Variants in MEI1 observed in about 807,000 individuals in gnomAD.
MEI1 encodes the protein meiotic double-stranded break formation protein 1.
Under a neutral mutation model 146.2 loss-of-function variants are expected in MEI1, and 103 were observed. The observed-to-expected ratio is 0.70, with a 90% confidence interval of 0.60 to 0.83. The LOEUF (loss-of-function observed/expected upper bound fraction) is 0.83, where lower values mean the gene tolerates loss of function less well. Ranked by LOEUF, MEI1 falls within the 40% of genes least tolerant of loss-of-function variation. The pLI is 0.00. For missense variants in MEI1, 1,529 were observed against 1,533.0 expected, an observed-to-expected ratio of 1.00 and a Z score of 0.04; for synonymous variants, 652 against 628.2, an observed-to-expected ratio of 1.04 and a Z score of -0.57.
chr22:41,781,780 C>T lies in MEI1; in HGVS notation c.3022C>T (p.Leu1008Phe), dbSNP rs759523790. The change falls in exon 24 of 31, where the codon CTC (leucine) becomes TTC (phenylalanine). Residue 1008 changes from leucine (L) to phenylalanine (F), a missense_variant. Physicochemically the swap from Leu to Phe is conservative, Grantham distance 22 (BLOSUM62 0). Transcript: ENST00000401548. ...AAAGGCAGATTCTCCCAGGACTGCA[C>T]TCCTCTGCTCTGCCTGGCTGCTCAC... ...LAKADSPRTA[L>F]LCSAWLLTAS... 1 of 1,613,994 alleles carries T rather than the reference C, an allele frequency of 6.2e-7. No individual in the cohort carries two copies.
At chr22:41,713,050 C>T (rs1458456955) in intron 3 of MEI1, among the ~76,000 whole-genome samples, 3 of 152,010 alleles carry the variant, frequency 2.0e-5, no homozygotes, top group Non-Finnish European at 4.4e-5. Context: ...ACCTCGTGAT[C>T]CGCCCATCTC....
intron 19 of MEI1, among the ~76,000 whole-genome samples, chr22:41,764,943 A>AT (rs897259619): frequency 7.3e-5 from 11 of 150,614 alleles, no homozygotes; most frequent in African/African-American, 9.7e-5. Context: ...TTCAGTCTTG[A>AT]TTTTTTTTTT....
intron 11 of MEI1, among the ~76,000 whole-genome samples, chr22:41,733,529 G>C (rs773593805): frequency 1.1e-4 from 16 of 152,002 alleles, no homozygotes; most frequent in Non-Finnish European, 2.2e-4. Flanking sequence ...GACCAAGGCA[G>C]GTGGATCACT....
intron 22 of MEI1, among the ~76,000 whole-genome samples, chr22:41,779,828 C>T (rs75999014): frequency 0.051 from 7,747 of 152,198 alleles, 623 homozygotes; most frequent in African/African-American, 0.18. Context: ...CACCCCAAAC[C>T]TCCTCGGTTT....
intron 26 of MEI1, among the ~76,000 whole-genome samples, chr22:41,785,508 C>T (rs1057414831): frequency 8.7e-5 from 13 of 149,556 alleles, no homozygotes; most frequent in Admixed American, 3.3e-4. Flanking sequence ...ATGATCCTCC[C>T]GCCTCGGCCT....
chr22:41,749,429 C>T (rs1410596703), intron 15 of MEI1, among the ~76,000 whole-genome samples: 1 of 152,162 alleles, frequency 6.6e-6, no homozygotes, highest in Non-Finnish European at 1.5e-5. Flanking sequence ...GCATGTGCCA[C>T]CATGCCCGGC....
chr22:41,774,846 T>A (rs2075361306), intron 20 of MEI1, among the ~76,000 whole-genome samples: 1 of 152,190 alleles, frequency 6.6e-6, no homozygotes, highest in East Asian at 1.9e-4. Flanking sequence ...ATATAGTTGT[T>A]TTTCCAGCAA....
chr22:41,768,784 C>T lies in MEI1; in HGVS notation c.2269-1902C>T, dbSNP rs977808538. 2.6e-5 allele frequency among the ~76,000 whole-genome samples: 4 copies of T among 152,174 alleles called. No homozygotes were observed. In the South Asian group the frequency reaches 8.3e-4, roughly 32 times the overall value. ...CAACGGGGAGGTCCACCCCCATGAT[C>T]CAGTCACCTCCCACCAGGCTCCTCC... On this transcript the variant is annotated intron_variant, in intron 19 of 30. Transcript: ENST00000401548.
intron 6 of MEI1, 51 bp from the exon 7 acceptor site, chr22:41,723,892 T>C: frequency 1.3e-6 from 2 of 1,555,708 alleles, no homozygotes; most frequent in South Asian, 2.4e-5. Context: ...TTGGGAGTAC[T>C]CTGGTGCCTG....
At chr22:41,798,805 T>C (rs185747164) in intron 30 of MEI1, among the ~76,000 whole-genome samples, 25 of 150,924 alleles carry the variant, frequency 1.7e-4, no homozygotes, top group Admixed American at 4.6e-4. Flanking sequence ...GAGGTGGAGA[T>C]TGCAGTGACC....
chr22:41,791,226 C>G (rs964038526), intron 26 of MEI1, among the ~76,000 whole-genome samples: 1 of 152,160 alleles, frequency 6.6e-6, no homozygotes, highest in African/African-American at 2.4e-5. Flanking sequence ...ATGGCTCATG[C>G]TTGTAATCCT....
At chr22:41,717,655 G>A (rs1264751963) in intron 5 of MEI1, among the ~76,000 whole-genome samples, 2 of 133,260 alleles carry the variant, frequency 1.5e-5, no homozygotes, top group Non-Finnish European at 3.1e-5. Context: ...TCGCTCTGTT[G>A]CCTAGGCTGG....
chr22:41,757,549 GT>G (rs934499145), intron 17 of MEI1, among the ~76,000 whole-genome samples: 1 of 151,994 alleles, frequency 6.6e-6, no homozygotes, highest in African/African-American at 2.4e-5. Flanking sequence ...TAGGGACGGG[GT>G]TTCACTATGT....
chr22:41,710,925 C>T (rs1000469181), intron 3 of MEI1, among the ~76,000 whole-genome samples: 36 of 152,160 alleles, frequency 2.4e-4, no homozygotes, highest in African/African-American at 7.5e-4. Context: ...TTGAGCCCAG[C>T]GCATAGCCTC....
intron 11 of MEI1, among the ~76,000 whole-genome samples, chr22:41,734,875 G>A (rs1226509932): frequency 1.3e-5 from 2 of 151,610 alleles, no homozygotes. Flanking sequence ...GACCTCAGGT[G>A]ATCCACCTGT....
At chr22:41,764,207 G>T (rs200662526) in intron 19 of MEI1, among the ~76,000 whole-genome samples, 2 of 152,074 alleles carry the variant, frequency 1.3e-5, no homozygotes, top group Non-Finnish European at 2.9e-5. Context: ...TGATCTGCCC[G>T]CCTCGGCCTC....
chr22:41,715,308 T>C (rs1431446540), intron 4 of MEI1, among the ~76,000 whole-genome samples: 3 of 152,132 alleles, frequency 2.0e-5, no homozygotes, highest in Non-Finnish European at 2.9e-5. Context: ...AAATATGGAC[T>C]ATTGACTCTC....
intron 17 of MEI1, among the ~76,000 whole-genome samples, chr22:41,757,545 C>T (rs546630981): frequency 2.0e-5 from 3 of 152,068 alleles, no homozygotes; most frequent in African/African-American, 4.8e-5. Flanking sequence ...TTTGTAGGGA[C>T]GGGGTTTCAC....
intron 26 of MEI1, among the ~76,000 whole-genome samples, chr22:41,789,084 G>A (rs2076085968): frequency 6.6e-6 from 1 of 152,114 alleles, no homozygotes; most frequent in African/African-American, 2.4e-5. Flanking sequence ...GAGCCAAGAC[G>A]GGCGGATCAC....
Sources: allele counts gnomAD v4.1 joint callset (sites outside exome capture counted in the v4.1 genomes callset), GRCh38; gene constraint gnomAD v4.1.1; transcripts MANE v1.5; gene names NCBI Gene and HGNC (gene_info 2026-07-23, HGNC 2026-07-21).